NEDD9: variants seen among roughly 807,000 people sequenced by gnomAD.
NEDD9 encodes the protein neural precursor cell expressed, developmentally down-regulated 9.
Under a neutral mutation model 76.6 loss-of-function variants are expected in NEDD9, and 26 were observed. The ratio of observed to expected loss-of-function variants is 0.34; its 90% CI spans 0.25 to 0.47. The LOEUF (loss-of-function observed/expected upper bound fraction) is 0.47, where lower values mean the gene tolerates loss of function less well. Among genes scored for constraint, NEDD9 ranks in the 20% least tolerant of loss-of-function variants. NEDD9 has a pLI of 1.00. For synonymous variants in NEDD9, 392 were observed against 414.2 expected, an observed-to-expected ratio of 0.95 and a Z score of 0.65; for missense variants, 937 against 1,058.5, an observed-to-expected ratio of 0.89 and a Z score of 1.59.
At chr6:11,305,968 C>A in intron 3 of NEDD9, 2 of 1,613,434 alleles carry the variant, frequency 1.2e-6, no homozygotes, top group Non-Finnish European at 1.7e-6. Flanking sequence ...CACAAATTGT[C>A]TGTTTTTTTC....
Position 11,370,774 on chromosome 6 carries a change from C to G in NEDD9, c.-214+11365G>C, listed in dbSNP as rs995415575. ...AAGAACACAGCAGGGGACAAAATAACGTCCTTCACCCACCCACGGAGCCAA... is the reference window on the plus strand; with the variant it reads ...AAGAACACAGCAGGGGACAAAATAAGGTCCTTCACCCACCCACGGAGCCAA... On this transcript the variant is annotated intron_variant, in intron 1 of 3. Transcript: ENST00000397378. The surrounding 1 kb of genome is among the most constrained non-coding windows in gnomAD (Gnocchi z 4.2). Among the ~76,000 whole-genome samples, 4 of 152,218 alleles carry G rather than the reference C, an allele frequency of 2.6e-5. No homozygotes were observed. The highest frequency in any genetic ancestry group is 7.2e-5 in the African/African-American group (3 of 41,460).
At chr6:11,278,316 C>A (rs150399273) in intron 3 of NEDD9, among the ~76,000 whole-genome samples, 3 of 152,274 alleles carry the variant, frequency 2.0e-5, no homozygotes, top group African/African-American at 4.8e-5. Flanking sequence ...TTGTGACGTG[C>A]CAGACCCTGT....
chr6:11,238,601 T>C (rs1172231364), intron 3 of NEDD9, among the ~76,000 whole-genome samples: 1 of 152,198 alleles, frequency 6.6e-6, no homozygotes, highest in Non-Finnish European at 1.5e-5. Flanking sequence ...CTGCCCCACT[T>C]CGTGGCTCTG....
chr6:11,226,022 G>T (rs969576278), intron 1 of NEDD9, among the ~76,000 whole-genome samples: 1 of 152,030 alleles, frequency 6.6e-6, no homozygotes, highest in African/African-American at 2.4e-5. Context: ...CTCATTGTTT[G>T]GTCAAACTGT....
intron 2 of NEDD9, among the ~76,000 whole-genome samples, chr6:11,332,962 T>C (rs1221758031): frequency 2.0e-5 from 3 of 150,056 alleles, no homozygotes; most frequent in African/African-American, 7.4e-5. Context: ...ATATGAGGAG[T>C]CCCACGGTTT....
At chr6:11,334,560 C>T (rs1166000359) in exon 2 of NEDD9, 1 of 152,196 alleles carries the variant, frequency 6.6e-6, no homozygotes, top group Admixed American at 6.6e-5. Flanking sequence ...TATTCATTCT[C>T]TCTGAAAATA....
chr6:11,233,233 G>A (rs770644910), upstream of NEDD9: 6 of 518,152 alleles, frequency 1.2e-5, no homozygotes, highest in Non-Finnish European at 2.3e-5. Context: ...TCTTTTCAAC[G>A]TTCAAAGTAC....
upstream of NEDD9, chr6:11,232,709 C>T: frequency 4.9e-6 from 7 of 1,435,876 alleles, no homozygotes; most frequent in Middle Eastern, 5.2e-4. Context: ...TCGCGGACCT[C>T]ATTTGCATGC....
chr6:11,301,990 G>A (rs1183774224), intron 3 of NEDD9, among the ~76,000 whole-genome samples: 1 of 152,126 alleles, frequency 6.6e-6, no homozygotes, highest in African/African-American at 2.4e-5. Context: ...TCAACAGCTA[G>A]CAGAAGGCAA....
At chr6:11,214,110 C>A in intron 1 of NEDD9, 1 of 466,540 alleles carries the variant, frequency 2.1e-6, no homozygotes, top group South Asian at 1.6e-5. Flanking sequence ...TTCAGATGTT[C>A]GACAATGAAC....
chr6:11,207,091 T>C (rs920765497), intron 2 of NEDD9, among the ~76,000 whole-genome samples: 1 of 152,236 alleles, frequency 6.6e-6, no homozygotes, highest in Admixed American at 6.5e-5. Flanking sequence ...GAGTATTTTT[T>C]GGGTGTGTAC....
At chr6:11,257,453 C>G (rs910711147) in intron 3 of NEDD9, among the ~76,000 whole-genome samples, 1 of 152,090 alleles carries the variant, frequency 6.6e-6, no homozygotes, top group Non-Finnish European at 1.5e-5. Flanking sequence ...TCTGAGGGCC[C>G]GTGAGTACAT....
At chr6:11,362,579 G>A (rs1359189564) in intron 1 of NEDD9, among the ~76,000 whole-genome samples, 26 of 152,158 alleles carry the variant, frequency 1.7e-4, no homozygotes, top group Admixed American at 1.7e-3. Context: ...GGTATTAACT[G>A]CAGTCACACT....
intron 3 of NEDD9, among the ~76,000 whole-genome samples, chr6:11,265,546 C>T (rs1760185659): frequency 6.6e-6 from 1 of 152,158 alleles, no homozygotes; most frequent in Non-Finnish European, 1.5e-5. Context: ...GTCCTTATGA[C>T]TAGTAATATT....
At chr6:11,360,427 G>C (rs116545739) in intron 1 of NEDD9, among the ~76,000 whole-genome samples, 289 of 152,294 alleles carry the variant, frequency 1.9e-3, no homozygotes, top group African/African-American at 6.7e-3. Context: ...GGTTTCCTCT[G>C]TGTCCCCACC....
intron 3 of NEDD9, among the ~76,000 whole-genome samples, chr6:11,290,099 T>C (rs755122484): frequency 6.6e-6 from 1 of 152,210 alleles, no homozygotes; most frequent in Non-Finnish European, 1.5e-5. Context: ...TCGTATTACC[T>C]CCAGACAGCC....
intron 2 of NEDD9, among the ~76,000 whole-genome samples, chr6:11,210,897 G>C (rs1007768234): frequency 2.0e-5 from 3 of 152,174 alleles, no homozygotes; most frequent in Non-Finnish European, 4.4e-5. Context: ...GCAGCCTAGA[G>C]ACCCAGGATC....
intron 3 of NEDD9, among the ~76,000 whole-genome samples, chr6:11,242,364 C>A (rs1230823357): frequency 6.6e-6 from 1 of 152,132 alleles, no homozygotes; most frequent in Non-Finnish European, 1.5e-5. Flanking sequence ...GGGAGTGTTG[C>A]AAGGGTGTTC....
chr6:11,185,657 C>A lies in NEDD9; in HGVS notation c.2010G>T (p.Gln670His), dbSNP rs569808000. The A allele has an allele frequency of 6.2e-7, 1 of 1,614,144 alleles. No homozygotes were observed. Among genetic ancestry groups the A allele is most frequent in the East Asian group, 2.2e-5 (1 of 44,888 alleles). ...QLEHHQLSQF[Q>H]LLEQEITKPV... ...GCTTTGTAATCTCTTGTTCCAACAG[C>A]TGGAACTGGCTCAGCTGCAAGGAAG... Residue 670 changes from glutamine (Q) to histidine (H), a missense_variant, in exon 7 of 7, where the codon CAG becomes CAT. By Grantham distance (24) the Gln-to-His change is conservative. Transcript: ENST00000379446.
Sources: allele counts gnomAD v4.1 joint callset (sites outside exome capture counted in the v4.1 genomes callset), GRCh38; gene constraint gnomAD v4.1.1; non-coding constraint Gnocchi (gnomAD v3.1); transcripts MANE v1.5; gene names NCBI Gene and HGNC (gene_info 2026-07-23, HGNC 2026-07-21).